The following KCNH5 variants were observed in gnomAD, a reference collection of about 807,000 sequenced individuals.
KCNH5 encodes the protein voltage-gated delayed rectifier potassium channel KCNH5.
KCNH5 carries 46 observed loss-of-function variants against 96.1 expected under a neutral mutation model. That is an observed-to-expected ratio of 0.48 (90% CI 0.38 to 0.61). The LOEUF (loss-of-function observed/expected upper bound fraction) is 0.61. Ranked by LOEUF, KCNH5 falls within the 20% of genes least tolerant of loss-of-function variation. The pLI is 0.00. For synonymous variants in KCNH5, 439 were observed against 449.8 expected, an observed-to-expected ratio of 0.98 and a Z score of 0.30; for missense variants, 907 against 1,225.8, an observed-to-expected ratio of 0.74 and a Z score of 3.88.
At chr14:62,902,808 C>T (rs1333478569) in intron 7 of KCNH5, among the ~76,000 whole-genome samples, 1 of 151,852 alleles carries the variant, frequency 6.6e-6, no homozygotes, top group Non-Finnish European at 1.5e-5. Context: ...CAACCTCTAC[C>T]TCCAGGGTTC....
intron 7 of KCNH5, among the ~76,000 whole-genome samples, chr14:62,920,248 A>G (rs1158725639): frequency 6.6e-6 from 1 of 152,082 alleles, no homozygotes; most frequent in Non-Finnish European, 1.5e-5. Context: ...TGGAGAGAAA[A>G]TAGCCAGGAT....
At chr14:63,032,445 C>T (rs1891647409) in intron 1 of KCNH5, among the ~76,000 whole-genome samples, 4 of 152,206 alleles carry the variant, frequency 2.6e-5, no homozygotes, top group Admixed American at 2.6e-4. Flanking sequence ...AAAGAACACA[C>T]ATTCCAAAAA....
chr14:63,016,840 C>A lies in KCNH5; in HGVS notation c.188G>T (p.Ser63Ile), dbSNP rs1278210174. The A allele has an allele frequency of 3.1e-6, 5 of 1,609,670 alleles. No homozygotes were observed. Among genetic ancestry groups the A allele is most frequent in the Non-Finnish European group, 4.2e-6 (5 of 1,177,730 alleles). Residue 63 changes from serine (S) to isoleucine (I), a missense_variant, in exon 2 of 11, where the codon AGC (serine) becomes ATC (isoleucine). Ser to Ile is a moderately radical substitution (Grantham distance 142). This residue lies in a region of KCNH5 where 370 missense variants were observed against 561.3 expected (regional missense o/e 0.66). Coordinates refer to ENST00000322893, the MANE Select transcript of KCNH5 (RefSeq NM_139318.5). The stretch of plus-strand genomic sequence containing the variant: ...CTATTCTGTTACCTACCTGCAAGTG[C>A]TGCTTTTCTGCATGACGTCAGCTCG... ...YHRADVMQKS[S>I]TCSFMYGELT...
At chr14:62,829,190 T>C (rs1887289625) in intron 8 of KCNH5, among the ~76,000 whole-genome samples, 1 of 152,144 alleles carries the variant, frequency 6.6e-6, no homozygotes, top group Non-Finnish European at 1.5e-5. Flanking sequence ...GCTGCTTTCA[T>C]GGGCTGGTGT....
rs61033705 is a variant in KCNH5, at chr14:62,910,941, A to ACACACACAC, written c.1369+39191_1369+39192insGTGTGTGTG. ...CACACACACACACACACACACACACACCCCTCTGTTGTTCTGTCATCCTAT... is the reference window on the plus strand; with the variant it reads ...CACACACACACACACACACACACACACACACACACCCCCTCTGTTGTTCTGTCATCCTAT... On this transcript the variant is annotated intron_variant, in intron 7 of 10. Transcript: ENST00000322893. Among the ~76,000 whole-genome samples, 471 of 140,876 alleles carry ACACACACAC rather than the reference A, an allele frequency of 3.3e-3. 3 individuals are homozygous for ACACACACAC. The highest frequency in any genetic ancestry group is 9.1e-3 in the African/African-American group (345 of 37,720). The allele number at this position is 140,876 out of a possible 152,430, so 92.4% of individuals were successfully genotyped here.
chr14:62,862,017 C>T (rs1888045191), intron 7 of KCNH5, among the ~76,000 whole-genome samples: 1 of 152,120 alleles, frequency 6.6e-6, no homozygotes, highest in Admixed American at 6.5e-5. Context: ...TTATTTTGTA[C>T]TAGAAACACA....
chr14:62,966,338 G>C (rs141526970), intron 6 of KCNH5, among the ~76,000 whole-genome samples: 22 of 152,290 alleles, frequency 1.4e-4, no homozygotes, highest in Non-Finnish European at 2.6e-4. Context: ...GGCAGTATTA[G>C]CATCCTCTTC....
chr14:62,821,653 G>T (rs145323057), intron 8 of KCNH5, among the ~76,000 whole-genome samples: 2 of 151,992 alleles, frequency 1.3e-5, no homozygotes, highest in Admixed American at 6.6e-5. Flanking sequence ...ACCTTGACAT[G>T]TCAGTAATAT....
intron 7 of KCNH5, among the ~76,000 whole-genome samples, chr14:62,850,085 T>G (rs547651639): frequency 6.6e-6 from 1 of 152,232 alleles, no homozygotes; most frequent in South Asian, 2.1e-4. Context: ...CATGACAAAA[T>G]GTAAGAGTCA....
At chr14:62,969,917 C>G (rs1890371727) in intron 6 of KCNH5, among the ~76,000 whole-genome samples, 1 of 150,358 alleles carries the variant, frequency 6.7e-6, no homozygotes, top group Non-Finnish European at 1.5e-5. Flanking sequence ...AAAAAATTAG[C>G]CAGGCGTGGT....
At chr14:62,744,583 G>C (rs1885337315) in intron 10 of KCNH5, among the ~76,000 whole-genome samples, 1 of 152,066 alleles carries the variant, frequency 6.6e-6, no homozygotes, top group African/African-American at 2.4e-5. Context: ...TATGATTTGG[G>C]ATACTAAATA....
At chr14:63,012,863 TATC>T (rs747986019) in intron 2 of KCNH5, among the ~76,000 whole-genome samples, 2 of 151,462 alleles carry the variant, frequency 1.3e-5, no homozygotes, top group Non-Finnish European at 2.9e-5. Context: ...TGCAAAGCAA[TATC>T]ATTTCAAGAA....
At chr14:62,807,132 T>G (rs1341132407) in intron 8 of KCNH5, among the ~76,000 whole-genome samples, 1 of 152,134 alleles carries the variant, frequency 6.6e-6, no homozygotes, top group African/African-American at 2.4e-5. Flanking sequence ...TTTCTTATCA[T>G]TTCTATTACT....
chr14:62,711,659 G>A (rs1336786670), intron 10 of KCNH5, among the ~76,000 whole-genome samples: 1 of 152,152 alleles, frequency 6.6e-6, no homozygotes, highest in Non-Finnish European at 1.5e-5. Flanking sequence ...GGAAAAACAT[G>A]CTCTTTAGAG....
Position 63,006,387 on chromosome 14 carries a change from C to A in KCNH5, c.283G>T (p.Val95Phe), listed in dbSNP as rs1481950773. The A allele has an allele frequency of 6.2e-7, 1 of 1,611,092 alleles. No homozygotes were observed. The highest frequency in any genetic ancestry group is 2.2e-5 in the East Asian group (1 of 44,788). ...FDNYESNCFEVLLYKKNRTPV... is the reference protein window; with the variant it reads ...FDNYESNCFEFLLYKKNRTPV... ...CTACTGTTTTTCTTGTACAGAAGAA[C>A]TTCAAAGCAGTTTGATTCGTAGTTG... is the stretch of plus-strand genomic sequence containing the variant. Residue 95 changes from valine to phenylalanine, a missense_variant, in exon 3 of 11, where the codon GTT (valine) becomes TTT (phenylalanine). Coordinates refer to ENST00000322893, the MANE Select transcript of KCNH5 (RefSeq NM_139318.5).
At chr14:62,924,993 T>G (rs1378701444) in intron 7 of KCNH5, among the ~76,000 whole-genome samples, 1 of 151,966 alleles carries the variant, frequency 6.6e-6, no homozygotes, top group East Asian at 1.9e-4. Context: ...AACTGTGAGG[T>G]GGTGGATATG....
chr14:62,753,869 G>A (rs1263518216), intron 10 of KCNH5, among the ~76,000 whole-genome samples: 2 of 152,096 alleles, frequency 1.3e-5, no homozygotes, highest in Non-Finnish European at 2.9e-5. Flanking sequence ...TGAAAGAATA[G>A]GACATTAATG....
chr14:62,896,023 C>T (rs1432028772), intron 7 of KCNH5, among the ~76,000 whole-genome samples: 1 of 152,076 alleles, frequency 6.6e-6, no homozygotes, highest in Non-Finnish European at 1.5e-5. Flanking sequence ...ATAAGCTTTC[C>T]CAGTAGGCAA....
At chr14:62,845,917 T>C (rs912303604) in intron 8 of KCNH5, among the ~76,000 whole-genome samples, 1 of 152,056 alleles carries the variant, frequency 6.6e-6, no homozygotes, top group East Asian at 1.9e-4. Context: ...CAGGATATCA[T>C]GAAAGAATGG....
Sources: gnomAD v4.1 joint callset for allele counts (sites outside exome capture counted in the v4.1 genomes callset) on GRCh38, gnomAD v4.1.1 for gene constraint, gnomAD v4.1.1 regional missense constraint, MANE v1.5 for transcripts, NCBI Gene and HGNC (gene_info 2026-07-23, HGNC 2026-07-21) for gene names.